Variants in GNB4 observed in about 807,000 individuals in gnomAD.
GNB4 encodes the protein guanine nucleotide-binding protein subunit beta-4.
Under a neutral mutation model 45.2 loss-of-function variants are expected in GNB4, and 28 were observed. The observed-to-expected ratio is 0.62, with a 90% CI of 0.46 to 0.85. The LOEUF (loss-of-function observed/expected upper bound fraction) is 0.85, where lower values mean the gene tolerates loss of function less well. Ranked by LOEUF, GNB4 falls within the 40% of genes least tolerant of loss-of-function variation. The probability of loss-of-function intolerance (pLI) is 0.00; values close to 1 mark genes in which losing one functional copy is unlikely to be tolerated. For synonymous variants in GNB4, 132 were observed against 143.7 expected (o/e 0.92, Z 0.58); for missense variants, 321 against 425.4 (o/e 0.75, Z 2.16).
chr3:179,467,709 T>C, the GNB4 span, among the ~76,000 whole-genome samples: 12 of 152,134 alleles, frequency 7.9e-5, no homozygotes, highest in African/African-American at 2.9e-4. Flanking sequence ...TAAATAAACA[T>C]GGTTGGTGTT....
chr3:179,499,244 G>A, the GNB4 span, among the ~76,000 whole-genome samples: 2 of 143,044 alleles, frequency 1.4e-5, no homozygotes, highest in Non-Finnish European at 3.0e-5. Context: ...TGCAAGCTCC[G>A]CCTCCCAGGT....
the GNB4 span, among the ~76,000 whole-genome samples, chr3:179,507,106 A>T: frequency 9.9e-5 from 15 of 152,182 alleles, 1 homozygote; most frequent in Non-Finnish European, 2.2e-4. Context: ...CCATCTGCCA[A>T]GTCTTATTAG....
the GNB4 span, among the ~76,000 whole-genome samples, chr3:179,511,373 A>T: frequency 6.6e-6 from 1 of 152,236 alleles, no homozygotes. Flanking sequence ...TAACAACTGT[A>T]TAAGATAATT....
intron 8 of GNB4, among the ~76,000 whole-genome samples, chr3:179,412,298 C>T (rs1714674226): frequency 7.2e-6 from 1 of 138,106 alleles, no homozygotes; most frequent in Non-Finnish European, 1.5e-5. Flanking sequence ...GAGACTCTGC[C>T]TCTACCAAAG....
At chr3:179,409,107 G>A (rs1225120819) in intron 8 of GNB4, among the ~76,000 whole-genome samples, 23 of 148,050 alleles carry the variant, frequency 1.6e-4, no homozygotes, top group African/African-American at 5.5e-4. Context: ...CTCCAGCCTG[G>A]GTGACAGTGA....
chr3:179,522,488 G>A, the GNB4 span, among the ~76,000 whole-genome samples: 2 of 143,288 alleles, frequency 1.4e-5, no homozygotes, highest in African/African-American at 6.1e-5. Flanking sequence ...AGTGAAAGAA[G>A]GCATATTTAC....
chr3:179,426,229 A>T lies in GNB4; in HGVS notation c.-29T>A. 1.3e-6 allele frequency: 2 copies of T among 1,544,384 alleles called. No homozygotes were observed. The highest frequency in any genetic ancestry group is 1.4e-5 in the African/African-American group (1 of 71,832). On this transcript the variant is annotated 5_prime_UTR_variant, in exon 2 of 10. Coordinates refer to ENST00000232564, the MANE Select transcript of GNB4 (RefSeq NM_021629.4). Reference sequence around the variant, plus strand: ...TTCAATTTGTTTACCTCAGGAGCTAATGAGTGAAAACAGCTGTTAAAAAAC... The same window carrying T: ...TTCAATTTGTTTACCTCAGGAGCTATTGAGTGAAAACAGCTGTTAAAAAAC...
intron 3 of GNB4, among the ~76,000 whole-genome samples, chr3:179,420,453 T>C (rs546625132): frequency 8.6e-6 from 1 of 116,130 alleles, no homozygotes; most frequent in South Asian, 3.0e-4. Flanking sequence ...AAAATATATA[T>C]ACATATATAT....
chr3:179,471,072 G>C, the GNB4 span, among the ~76,000 whole-genome samples: 1 of 151,672 alleles, frequency 6.6e-6, no homozygotes, highest in African/African-American at 2.4e-5. Flanking sequence ...CCAGCTACTC[G>C]GCAGGCTGAG....
chr3:179,464,959 T>C, the GNB4 span: 1 of 1,548,956 alleles, frequency 6.5e-7, no homozygotes, highest in Admixed American at 1.7e-5. Context: ...CAAAAAGTGT[T>C]GAAATGCCCA....
chr3:179,463,813 CAT>C, the GNB4 span, among the ~76,000 whole-genome samples: 1 of 152,210 alleles, frequency 6.6e-6, no homozygotes, highest in Non-Finnish European at 1.5e-5. Context: ...TTCAGCCCTT[CAT>C]AGAGTCTCTT....
At chr3:179,520,056 T>C in the GNB4 span, among the ~76,000 whole-genome samples, 1 of 152,098 alleles carries the variant, frequency 6.6e-6, no homozygotes, top group East Asian at 1.9e-4. Flanking sequence ...ACCCATATAC[T>C]CTCCTAACCT....
chr3:179,416,673 C>T (rs1043955953), intron 4 of GNB4, 117 bp from the exon 5 acceptor site: 12 of 532,316 alleles, frequency 2.3e-5, no homozygotes, highest in African/African-American at 2.2e-4. Flanking sequence ...CAACTAAAAA[C>T]TTGATACCAA....
chr3:179,479,031 C>A, the GNB4 span, among the ~76,000 whole-genome samples: 1 of 152,166 alleles, frequency 6.6e-6, no homozygotes, highest in Admixed American at 6.5e-5. Context: ...GTAGTGCCTG[C>A]AGAACCATGA....
At chr3:179,464,866 G>A in the GNB4 span, 32 of 1,380,632 alleles carry the variant, frequency 2.3e-5, no homozygotes, top group Middle Eastern at 1.8e-4. Context: ...CCATGTTACC[G>A]GCTACCCCAT....
At chr3:179,497,585 A>T in the GNB4 span, among the ~76,000 whole-genome samples, 2 of 152,162 alleles carry the variant, frequency 1.3e-5, no homozygotes, top group Non-Finnish European at 2.9e-5. Flanking sequence ...ATGGGAGAAA[A>T]ATTTGCAAAC....
the GNB4 span, among the ~76,000 whole-genome samples, chr3:179,470,764 C>T: frequency 2.0e-5 from 3 of 151,744 alleles, no homozygotes; most frequent in East Asian, 1.9e-4. Flanking sequence ...AGGATGGTCT[C>T]GATCACCGTG....
chr3:179,410,248 G>T (rs1159720965), intron 8 of GNB4: 1 of 152,060 alleles, frequency 6.6e-6, no homozygotes, highest in Admixed American at 6.6e-5. Context: ...CAGTAGAAAA[G>T]AAATAATAAA....
the GNB4 span, among the ~76,000 whole-genome samples, chr3:179,517,848 C>T: frequency 2.4e-3 from 367 of 152,292 alleles, 1 homozygote; most frequent in Middle Eastern, 6.8e-3. Context: ...TGTTTAATCA[C>T]GCAGGGACGC....
Sources: gnomAD v4.1 joint callset for allele counts (sites outside exome capture counted in the v4.1 genomes callset) on GRCh38, gnomAD v4.1.1 for gene constraint, MANE v1.5 for transcripts, NCBI Gene and HGNC (gene_info 2026-07-23, HGNC 2026-07-21) for gene names.